Variants in TNFRSF1B observed in about 807,000 individuals in gnomAD.
TNFRSF1B encodes TNF receptor superfamily member 1B.
In TNFRSF1B, 19 loss-of-function variants were observed where a neutral mutation model predicts 44.6. The observed-to-expected ratio is 0.43, with a 90% CI of 0.30 to 0.62. The LOEUF is 0.62. TNFRSF1B is among the 20% of genes least tolerant of loss of function. TNFRSF1B has a pLI of 0.16. For missense variants in TNFRSF1B, 541 were observed against 619.9 expected, an observed-to-expected ratio of 0.87 and a Z score of 1.35; for synonymous variants, 252 against 261.1, an observed-to-expected ratio of 0.97 and a Z score of 0.34.
chr1:12,188,824 C>T lies in TNFRSF1B; in HGVS notation c.107C>T (p.Pro36Leu), dbSNP rs778009210. 55 of 1,613,890 alleles carry T rather than the reference C, an allele frequency of 3.4e-5. 1 individual carries two copies. The South Asian group carries it at 5.9e-4, about 17-fold the overall frequency. ...QVAFTPYAPE[P>L]GSTCRLREYY... The stretch of plus-strand genomic sequence containing the variant: ...GCATTTACACCCTACGCCCCGGAGC[C>T]CGGGAGCACATGCCGGCTCAGAGAA... The change falls in exon 2 of 10, where the codon CCC becomes CTC. Residue 36 changes from proline (P) to leucine (L), a missense_variant. Pro to Leu is a moderately conservative substitution (Grantham distance 98). Transcript: ENST00000376259.
intron 1 of TNFRSF1B, among the ~76,000 whole-genome samples, chr1:12,183,635 T>C (rs1638863773): frequency 6.6e-6 from 1 of 151,238 alleles, no homozygotes; most frequent in Non-Finnish European, 1.5e-5. Context: ...CTGTTTTATC[T>C]ATCTAGCTAT....
chr1:12,183,720 C>CCTACCTAT (rs1557629116), intron 1 of TNFRSF1B, among the ~76,000 whole-genome samples: 1 of 92,150 alleles, frequency 1.1e-5, no homozygotes, highest in African/African-American at 3.4e-5. Context: ...ATTCTATCTA[C>CCTACCTAT]CTATCTATCT....
At position 12,200,000 on chromosome 1, in the gene TNFRSF1B, C is replaced by T. The variant is rs1425748421; in HGVS notation, c.901-1967C>T. On this transcript the variant is annotated intron_variant, in intron 8 of 9. Transcript: ENST00000376259. The surrounding 1 kb of genome is among the most constrained non-coding windows in gnomAD (Gnocchi z 4.0). ...CCTGGGAGAGGAATTTCCAGCCTCT[C>T]TTCAGTGTGCGTGTCTGGAAATGGG... is the stretch of plus-strand genomic sequence containing the variant. 6.6e-6 allele frequency among the ~76,000 whole-genome samples: 1 copy of T among 152,146 alleles called. No homozygotes were observed. The highest frequency in any genetic ancestry group is 1.5e-5 in the Non-Finnish European group (1 of 68,026).
intron 2 of TNFRSF1B, 87 bp downstream of exon 2, chr1:12,188,982 A>C: frequency 1.7e-6 from 2 of 1,161,452 alleles, no homozygotes; most frequent in Non-Finnish European, 2.5e-6. Context: ...ATAGCCCTTG[A>C]TTCTTACTGA....
At chr1:12,167,217 C>T (rs1363421229) in intron 1 of TNFRSF1B, 48 bp downstream of exon 1, 4 of 1,221,478 alleles carry the variant, frequency 3.3e-6, no homozygotes, top group Admixed American at 4.3e-5. Flanking sequence ...CGCATGTCCA[C>T]CCGGCTGGTG....
At position 12,171,688 on chromosome 1, in the gene TNFRSF1B, G is replaced by C. The variant is rs942486449; in HGVS notation, c.78+4519G>C. On this transcript the variant is annotated intron_variant, in intron 1 of 9. Transcript: ENST00000376259. This position sits in a 1 kb window ranked among gnomAD's most constrained non-coding sequence, Gnocchi z 4.5. ...TCTGACTTTAATTCTTTGTTGTGGG[G>C]CTGTCCCGTGAGCTGTAGGATGTTT... Among the ~76,000 whole-genome samples the C allele has an allele frequency of 6.6e-6, 1 of 152,160 alleles. No homozygotes were observed. Among genetic ancestry groups the C allele is most frequent in the Admixed American group, 6.5e-5 (1 of 15,280 alleles).
At chr1:12,206,376 AAGAC>A (rs1353963796) in intron 9 of TNFRSF1B, among the ~76,000 whole-genome samples, 21 of 151,620 alleles carry the variant, frequency 1.4e-4, no homozygotes, top group Admixed American at 4.6e-4. Flanking sequence ...AAAAAAAAAA[AAGAC>A]AGAAGAGACA....
chr1:12,205,225 A>C (rs1639476333), intron 9 of TNFRSF1B, among the ~76,000 whole-genome samples: 2 of 152,096 alleles, frequency 1.3e-5, no homozygotes. Context: ...AGGCCTGAGC[A>C]CTAGAGAAGA....
chr1:12,201,870 G>A, intron 8 of TNFRSF1B, 97 bp from the exon 9 acceptor site: 1 of 1,454,792 alleles, frequency 6.9e-7, no homozygotes, highest in Non-Finnish European at 9.2e-7. Context: ...GAGAAGTGCT[G>A]ATGGCAGGAG....
intron 1 of TNFRSF1B, among the ~76,000 whole-genome samples, chr1:12,183,771 A>G (rs1638903622): frequency 7.8e-6 from 1 of 127,652 alleles, no homozygotes; most frequent in Non-Finnish European, 1.8e-5. Context: ...CTAGCTAGCT[A>G]TCTATTCTAT....
chr1:12,193,143 G>A (rs774921744), intron 6 of TNFRSF1B, 45 bp downstream of exon 6: 6 of 1,496,108 alleles, frequency 4.0e-6, no homozygotes, highest in South Asian at 1.2e-5. Flanking sequence ...CTGTCTGCCT[G>A]TCTTTCTGTC....
chr1:12,179,415 C>T (rs1178545671), intron 1 of TNFRSF1B, among the ~76,000 whole-genome samples: 1 of 152,238 alleles, frequency 6.6e-6, no homozygotes, highest in Non-Finnish European at 1.5e-5. Context: ...AATGCCTCTG[C>T]TGCCTCCCAC....
At position 12,168,323 on chromosome 1, in the gene TNFRSF1B, A is replaced by C. The variant is rs919909182; in HGVS notation, c.78+1154A>C. 1.5e-4 allele frequency among the ~76,000 whole-genome samples: 23 copies of C among 152,328 alleles called. No individual in the cohort carries two copies. Among genetic ancestry groups the C allele is most frequent in the Middle Eastern group, 3.4e-3 (1 of 294 alleles). On this transcript the variant is annotated intron_variant, in intron 1 of 9. Transcript: ENST00000376259. The surrounding 1 kb of genome is among the most constrained non-coding windows in gnomAD (Gnocchi z 4.7). ...TAAGGTGACTTGTTGATCTGAGGCC[A>C]GAGAGTCCAGTTCTTGTGGGTGGAA...
At chr1:12,193,555 G>C (rs979789403) in intron 6 of TNFRSF1B, among the ~76,000 whole-genome samples, 1 of 152,182 alleles carries the variant, frequency 6.6e-6, no homozygotes, top group Non-Finnish European at 1.5e-5. Context: ...CCTGGGCAAT[G>C]AGTGAGGTCC....
chr1:12,184,550 AGAGAGGAACCTGGAGG>A (rs1421304704), intron 1 of TNFRSF1B, among the ~76,000 whole-genome samples: 4 of 152,158 alleles, frequency 2.6e-5, no homozygotes, highest in African/African-American at 9.7e-5. Flanking sequence ...GCCTCAGACA[AGAGAGGAACCTGGAGG>A]GGAGGAGGTG....
Position 12,186,946 on chromosome 1 carries a change from C to T in TNFRSF1B, c.79-1850C>T, listed in dbSNP as rs1285895976. On this transcript the variant is annotated intron_variant, in intron 1 of 9. Coordinates refer to ENST00000376259, the MANE Select transcript of TNFRSF1B (RefSeq NM_001066.3). The surrounding 1 kb of genome is among the most constrained non-coding windows in gnomAD (Gnocchi z 4.8). ...CTAATTAATGCTTGTCCCTGAAAGC[C>T]CGGACTGCCAACCCCAGTCTTTCAG... Among the ~76,000 whole-genome samples, 1 of 152,146 alleles carries T rather than the reference C, an allele frequency of 6.6e-6. No individual in the cohort carries two copies. Among genetic ancestry groups the T allele is most frequent in the African/African-American group, 2.4e-5 (1 of 41,420 alleles).
chr1:12,191,531 C>G (rs778714973), intron 3 of TNFRSF1B, among the ~76,000 whole-genome samples: 1 of 145,140 alleles, frequency 6.9e-6, no homozygotes, highest in Non-Finnish European at 1.5e-5. Flanking sequence ...GGGACGAGCG[C>G]GACTGCGGGG....
rs17883778 is a variant in TNFRSF1B at position 12,185,210 on chromosome 1, G to A, written c.79-3586G>A. 2.2e-3 allele frequency among the ~76,000 whole-genome samples: 337 copies of A among 152,314 alleles called. 1 individual carries two copies. The highest frequency in any genetic ancestry group is 7.6e-3 in the African/African-American group (317 of 41,570). The stretch of plus-strand genomic sequence containing the variant: ...CGGGTCTCGGCCATGAGCCCCCTCC[G>A]CCACCCCTCCCCCAGGTCACCTTGC... On this transcript the variant is annotated intron_variant, in intron 1 of 9. Transcript: ENST00000376259.
At chr1:12,179,212 G>A (rs1429483189) in intron 1 of TNFRSF1B, among the ~76,000 whole-genome samples, 1 of 152,182 alleles carries the variant, frequency 6.6e-6, no homozygotes, top group Non-Finnish European at 1.5e-5. Flanking sequence ...AGCGAGTCGG[G>A]AGTGGGATGT....
Sources: gnomAD v4.1 joint callset for allele counts (sites outside exome capture counted in the v4.1 genomes callset) on GRCh38, gnomAD v4.1.1 for gene constraint, Gnocchi (gnomAD v3.1) non-coding constraint, MANE v1.5 for transcripts, NCBI Gene and HGNC (gene_info 2026-07-23, HGNC 2026-07-21) for gene names.